Variants in PSD3 observed in about 807,000 individuals in gnomAD.
PSD3 encodes the protein pleckstrin and Sec7 domain containing 3, also known as PH and SEC7 domain-containing protein 3.
A neutral mutation model predicts 105.5 loss-of-function variants in PSD3; 49 were observed. That is an observed-to-expected ratio of 0.46 (90% CI 0.37 to 0.59). The LOEUF (loss-of-function observed/expected upper bound fraction) is 0.59. Among genes scored for constraint, PSD3 ranks in the 20% least tolerant of loss-of-function variants. The probability of loss-of-function intolerance (pLI) is 0.00; values close to 1 mark genes in which losing one functional copy is unlikely to be tolerated. For missense variants in PSD3, 1,561 were observed against 1,263.8 expected, an observed-to-expected ratio of 1.24 and a Z score of -3.57; for synonymous variants, 557 against 457.8, an observed-to-expected ratio of 1.22 and a Z score of -2.77.
intron 1 of PSD3, among the ~76,000 whole-genome samples, chr8:18,973,775 G>A (rs1404318968): frequency 2.6e-5 from 4 of 152,180 alleles, no homozygotes; most frequent in African/African-American, 9.7e-5. Context: ...AGTTGGACTA[G>A]ATGAAGTTTA....
chr8:19,074,444 G>T (rs1829379925), intron 1 of PSD3, among the ~76,000 whole-genome samples: 1 of 151,814 alleles, frequency 6.6e-6, no homozygotes, highest in African/African-American at 2.4e-5. Context: ...AAATTCTCCA[G>T]TGTTGTCTTA....
intron 2 of PSD3, among the ~76,000 whole-genome samples, chr8:18,928,028 C>T (rs1472098371): frequency 3.3e-5 from 5 of 152,148 alleles, no homozygotes; most frequent in African/African-American, 1.2e-4. Flanking sequence ...AACCTACATC[C>T]ACTCAAAAAC....
chr8:18,803,389 C>CTGTGTGTGTGTGTG (rs59427991), intron 6 of PSD3: 19,305 of 143,108 alleles, frequency 0.13, 1,421 homozygotes, highest in East Asian at 0.2. Flanking sequence ...AATCTATAAA[C>CTGTGTGTGTGTGTG]TGTGTGTGTG....
At chr8:18,914,877 A>C (rs1012847537) in intron 2 of PSD3, among the ~76,000 whole-genome samples, 4 of 152,194 alleles carry the variant, frequency 2.6e-5, no homozygotes, top group Non-Finnish European at 5.9e-5. Context: ...ACAGAACCAA[A>C]ACAGACCCCA....
chr8:18,682,786 T>C (rs777877322), intron 9 of PSD3, among the ~76,000 whole-genome samples: 1 of 151,472 alleles, frequency 6.6e-6, no homozygotes, highest in African/African-American at 2.4e-5. Context: ...GATGGGGAGG[T>C]AGCAGAGGAG....
chr8:18,754,678 G>A (rs1437992459), intron 9 of PSD3, among the ~76,000 whole-genome samples: 1 of 152,040 alleles, frequency 6.6e-6, no homozygotes, highest in Non-Finnish European at 1.5e-5. Flanking sequence ...TGTGAGGTCA[G>A]TTATTAATAC....
intron 1 of PSD3, among the ~76,000 whole-genome samples, chr8:18,966,669 A>G (rs543527451): frequency 6.6e-6 from 1 of 152,212 alleles, no homozygotes; most frequent in Admixed American, 6.5e-5. Flanking sequence ...TGTTCTTCTC[A>G]AACAGGGGAC....
At chr8:18,579,861 T>A (rs1802695051) in intron 12 of PSD3, among the ~76,000 whole-genome samples, 2 of 152,168 alleles carry the variant, frequency 1.3e-5, no homozygotes, top group Admixed American at 1.3e-4. Context: ...ATAGGTAAAA[T>A]AGCTACATGT....
At chr8:18,593,380 T>C (rs1189219427) in intron 12 of PSD3, among the ~76,000 whole-genome samples, 1 of 152,182 alleles carries the variant, frequency 6.6e-6, no homozygotes, top group African/African-American at 2.4e-5. Context: ...AAAATGCTCA[T>C]CATCACTGGC....
chr8:18,966,359 CAG>C (rs1824243748), intron 1 of PSD3, among the ~76,000 whole-genome samples: 1 of 152,070 alleles, frequency 6.6e-6, no homozygotes, highest in Non-Finnish European at 1.5e-5. Context: ...CACTTGAGGT[CAG>C]CAGTTCAAGA....
At chr8:18,646,175 C>T (rs968788730) in intron 10 of PSD3, among the ~76,000 whole-genome samples, 1 of 152,076 alleles carries the variant, frequency 6.6e-6, no homozygotes, top group Non-Finnish European at 1.5e-5. Context: ...TGATTGCCAA[C>T]CTACAGATGG....
At chr8:18,702,186 G>C (rs1316988968) in intron 9 of PSD3, among the ~76,000 whole-genome samples, 2 of 152,156 alleles carry the variant, frequency 1.3e-5, no homozygotes, top group Admixed American at 6.5e-5. Flanking sequence ...GTAACCGACA[G>C]GTCTTTCTAC....
intron 1 of PSD3, among the ~76,000 whole-genome samples, chr8:19,050,867 C>A (rs1320249296): frequency 6.6e-6 from 1 of 152,084 alleles, no homozygotes; most frequent in African/African-American, 2.4e-5. Flanking sequence ...AGGAATTAAA[C>A]AAGTGGGCTG....
At chr8:18,763,983 G>A (rs1418298174) in intron 9 of PSD3, among the ~76,000 whole-genome samples, 5 of 152,134 alleles carry the variant, frequency 3.3e-5, no homozygotes, top group Non-Finnish European at 7.3e-5. Flanking sequence ...TCTTGGTAGA[G>A]GAAGTCAAAG....
At chr8:19,023,034 A>G (rs999283350) in intron 1 of PSD3, among the ~76,000 whole-genome samples, 1 of 152,096 alleles carries the variant, frequency 6.6e-6, no homozygotes, top group Non-Finnish European at 1.5e-5. Flanking sequence ...TTGTTTACTC[A>G]CTGTAGATAT....
At chr8:18,545,899 G>A (rs1800424415) in intron 15 of PSD3, among the ~76,000 whole-genome samples, 1 of 152,202 alleles carries the variant, frequency 6.6e-6, no homozygotes, top group African/African-American at 2.4e-5. Flanking sequence ...TGTGATTTGA[G>A]GAGCAGCTGA....
At chr8:18,648,736 C>G (rs1808244035) in intron 10 of PSD3, among the ~76,000 whole-genome samples, 1 of 152,160 alleles carries the variant, frequency 6.6e-6, no homozygotes, top group African/African-American at 2.4e-5. Context: ...GGCCTGGAGG[C>G]TTAGGAGAGA....
chr8:18,649,099 T>TGGGTCACTGCTTA (rs1269367809), intron 10 of PSD3, among the ~76,000 whole-genome samples: 1 of 152,108 alleles, frequency 6.6e-6, no homozygotes, highest in Non-Finnish European at 1.5e-5. Flanking sequence ...GAGTCCCCAA[T>TGGGTCACTGCTTA]GGGTCACTGC....
chr8:18,677,282 A>G (rs999777783), intron 9 of PSD3, among the ~76,000 whole-genome samples: 1 of 152,208 alleles, frequency 6.6e-6, no homozygotes, highest in African/African-American at 2.4e-5. Context: ...AGGTTTCCTA[A>G]CAAAAATAAA....
Sources: allele counts gnomAD v4.1 joint callset (sites outside exome capture counted in the v4.1 genomes callset), GRCh38; gene constraint gnomAD v4.1.1; transcripts MANE v1.5; gene names NCBI Gene and HGNC (gene_info 2026-07-23, HGNC 2026-07-21).